Variants in C2orf74 observed in about 807,000 individuals in gnomAD.
C2orf74 encodes DPM1 ER membrane anchor 1, also known as uncharacterized protein C2orf74.
C2orf74 carries 14 observed loss-of-function variants against 17.9 expected under a neutral mutation model. The ratio of observed to expected loss-of-function variants is 0.78; its 90% CI spans 0.52 to 1.22. The LOEUF (loss-of-function observed/expected upper bound fraction) is 1.22, where lower values mean the gene tolerates loss of function less well. Ranked by LOEUF, C2orf74 falls within the 50% of genes most tolerant of loss-of-function variation. C2orf74 has a pLI of 0.00. For synonymous variants in C2orf74, 79 were observed against 72.6 expected, an observed-to-expected ratio of 1.09 and a Z score of -0.44; for missense variants, 217 against 218.4, an observed-to-expected ratio of 0.99 and a Z score of 0.04.
chr2:61,155,616 G>A (rs1045455513), intron 1 of C2orf74, among the ~76,000 whole-genome samples: 8 of 151,990 alleles, frequency 5.3e-5, no homozygotes, highest in Non-Finnish European at 1.0e-4. Flanking sequence ...CACCTCCTGC[G>A]TTCACTCTAT....
chr2:61,154,234 C>CAA (rs34669899), intron 1 of C2orf74, among the ~76,000 whole-genome samples: 4 of 131,858 alleles, frequency 3.0e-5, no homozygotes, highest in African/African-American at 5.5e-5. Context: ...AATTCTGTCT[C>CAA]AAAAAAAAAA....
At chr2:61,160,626 A>C (rs911077234), upstream of C2orf74, among the ~76,000 whole-genome samples, 2 of 151,380 alleles carry the variant, frequency 1.3e-5, no homozygotes, top group Non-Finnish European at 2.9e-5. Context: ...TTCCTGCCTC[A>C]GCCTCCCAAG....
In C2orf74 at chr2:61,164,603, T is replaced by C; in HGVS notation, c.*76T>C. The C allele has an allele frequency of 2.6e-6, 3 of 1,174,280 alleles. No individual in the cohort carries two copies. The allele number at this position is 1,174,280 out of a possible 1,614,324, so 72.7% of individuals were successfully genotyped here. A position where few individuals can be genotyped will look rare whatever the true frequency, so the allele number is the denominator to read the frequency against. ...GAAAGACTGAGGGTACAAAATCATG[T>C]TGAAACAACAAAACAATGGGGAATT... is the stretch of plus-strand genomic sequence containing the variant. On this transcript the variant is annotated 3_prime_UTR_variant, in exon 5 of 5. Transcript: ENST00000432605.
chr2:61,152,445 G>A (rs1685257205), intron 1 of C2orf74, among the ~76,000 whole-genome samples: 1 of 152,014 alleles, frequency 6.6e-6, no homozygotes, highest in Non-Finnish European at 1.5e-5. Context: ...GGAGGCTGAG[G>A]CAGGAGAATG....
intron 1 of C2orf74, among the ~76,000 whole-genome samples, chr2:61,152,308 G>A (rs781415065): frequency 2.6e-5 from 4 of 152,106 alleles, no homozygotes; most frequent in African/African-American, 4.8e-5. Context: ...TTGGGAGGCC[G>A]AGGCGGGCAG....
At chr2:61,152,708 C>G (rs1408360517) in intron 1 of C2orf74, among the ~76,000 whole-genome samples, 1 of 151,128 alleles carries the variant, frequency 6.6e-6, no homozygotes, top group African/African-American at 2.4e-5. Context: ...ATTAGCTGGG[C>G]GTGGTGACAC....
chr2:61,163,587 G>A (rs1237398049), intron 4 of C2orf74, among the ~76,000 whole-genome samples: 2 of 151,216 alleles, frequency 1.3e-5, no homozygotes, highest in Admixed American at 6.6e-5. Flanking sequence ...GGTGACAGAG[G>A]GAGACTCCAT....
chr2:61,154,019 A>G (rs1685320295), intron 1 of C2orf74, among the ~76,000 whole-genome samples: 2 of 152,278 alleles, frequency 1.3e-5, no homozygotes, highest in South Asian at 4.1e-4. Context: ...TGGGTGGATC[A>G]CTTGAGGTCA....
At chr2:61,149,564 G>A (rs1685164414) in intron 1 of C2orf74, among the ~76,000 whole-genome samples, 1 of 132,768 alleles carries the variant, frequency 7.5e-6, no homozygotes, top group South Asian at 2.3e-4. Context: ...TCTAGATGTT[G>A]GGCGCCTTTC....
rs905499326 is a variant in C2orf74 at position 61,145,197 on chromosome 2, G to T, written c.-122+1G>T. The T allele has an allele frequency of 6.6e-6, 1 of 152,234 alleles. No homozygotes were observed. Among genetic ancestry groups the T allele is most frequent in the African/African-American group, 2.4e-5 (1 of 41,406 alleles). The allele number at this position is 152,234 out of a possible 1,614,324, so 9.4% of individuals were successfully genotyped here. A position where few individuals can be genotyped will look rare whatever the true frequency, so the allele number is the denominator to read the frequency against. On this transcript the variant is annotated splice_donor_variant, in intron 1 of 3. Coordinates refer to the C2orf74 transcript ENST00000426997. LOFTEE classifies it low-confidence loss of function (5UTR_SPLICE). ...TTCCAGACTCGTGGGGGAAAGGCTG[G>T]TATGTTCGTTTTATAACAGGAGTTT...
chr2:61,150,514 C>T (rs192309739), intron 1 of C2orf74, among the ~76,000 whole-genome samples: 2 of 152,314 alleles, frequency 1.3e-5, no homozygotes, highest in Admixed American at 6.5e-5. Flanking sequence ...AACACTGAGA[C>T]ACCTTGGGGC....
intron 1 of C2orf74, among the ~76,000 whole-genome samples, chr2:61,145,464 C>A (rs955489222): frequency 2.0e-5 from 3 of 151,986 alleles, no homozygotes; most frequent in African/African-American, 7.3e-5. Context: ...TCCTGTGTTG[C>A]CCAAGCTGGA....
At chr2:61,146,977 C>G (rs1259335454) in intron 1 of C2orf74, among the ~76,000 whole-genome samples, 2 of 151,986 alleles carry the variant, frequency 1.3e-5, no homozygotes, top group Non-Finnish European at 2.9e-5. Flanking sequence ...ATGGTGAAAA[C>G]CCACATCTAC....
intron 1 of C2orf74, among the ~76,000 whole-genome samples, chr2:61,147,657 A>G (rs377533713): frequency 2.6e-5 from 4 of 151,812 alleles, no homozygotes; most frequent in South Asian, 2.1e-4. Context: ...CCTTTTTTCT[A>G]TTTTGCCTTT....
intron 1 of C2orf74, among the ~76,000 whole-genome samples, chr2:61,147,494 C>T (rs1049520336): frequency 1.3e-5 from 2 of 152,234 alleles, no homozygotes; most frequent in African/African-American, 4.8e-5. Flanking sequence ...TGCATGTCCT[C>T]ACCAGTTCTT....
intron 2 of C2orf74, 110 bp downstream of exon 2, chr2:61,162,719 T>C (rs1685599974): frequency 1.9e-6 from 2 of 1,067,194 alleles, no homozygotes; most frequent in Non-Finnish European, 1.4e-6. Context: ...ACCATAATTA[T>C]CTACTTTTCC....
In C2orf74 at chr2:61,163,070, G is replaced by A. The variant is rs1685614847; in HGVS notation, c.228G>A (p.Met76Ile). The A allele has an allele frequency of 1.3e-6, 2 of 1,552,030 alleles. No homozygotes were observed. The highest frequency in any genetic ancestry group is 1.7e-6 in the Non-Finnish European group (2 of 1,147,050). ...TTTCTAGGATCTTAATGCAAGTCAT[G>A]AACTTGAATGTGCCGATGAGGCCTG... ...EDHERILMQV[M>I]NLNVPMRPGI... The change falls in exon 4 of 5, where the codon ATG becomes ATA. Residue 76 changes from methionine to isoleucine, a missense_variant. By Grantham distance (10) the Met-to-Ile change is conservative. Transcript: ENST00000432605.
At chr2:61,151,544 T>G (rs550792572) in intron 1 of C2orf74, 2 of 151,738 alleles carry the variant, frequency 1.3e-5, no homozygotes, top group East Asian at 3.9e-4. Context: ...GAAGACTCAT[T>G]TGGGGGAGAA....
At chr2:61,163,020 A>T (rs776567764) in intron 3 of C2orf74, 32 bp from the exon 4 acceptor site, 3 of 1,552,216 alleles carry the variant, frequency 1.9e-6, no homozygotes, top group Non-Finnish European at 2.6e-6. Context: ...AGGATGCATG[A>T]ATGTTTAAAA....
Sources: gnomAD v4.1 joint callset for allele counts (sites outside exome capture counted in the v4.1 genomes callset) on GRCh38, gnomAD v4.1.1 for gene constraint, MANE v1.5 for transcripts, NCBI Gene and HGNC (gene_info 2026-07-23, HGNC 2026-07-21) for gene names.